KCNIP1: variants seen among roughly 807,000 people sequenced by gnomAD.
KCNIP1 encodes the protein A-type potassium channel modulatory protein KCNIP1.
A neutral mutation model predicts 33.0 loss-of-function variants in KCNIP1; 18 were observed. The observed-to-expected ratio is 0.55, with a 90% CI of 0.38 to 0.81. The LOEUF is 0.81. KCNIP1 is among the 30% of genes least tolerant of loss of function. The pLI is 0.00. For synonymous variants in KCNIP1, 93 were observed against 98.3 expected, an observed-to-expected ratio of 0.95 and a Z score of 0.32; for missense variants, 238 against 271.6, an observed-to-expected ratio of 0.88 and a Z score of 0.87.
chr5:170,677,420 A>G (rs1207320855), intron 1 of KCNIP1, among the ~76,000 whole-genome samples: 1 of 152,170 alleles, frequency 6.6e-6, no homozygotes, highest in Non-Finnish European at 1.5e-5. Flanking sequence ...TAACAACCCT[A>G]TGCTATGGGT....
chr5:170,643,894 T>C lies in KCNIP1; in HGVS notation c.62-74864T>C, dbSNP rs1420134668. On this transcript the variant is annotated intron_variant, in intron 1 of 7. Transcript: ENST00000328939. ...ACTCACAGCCCCTCTCAAGTGGTCC[T>C]GGGGATGAAGTGAGAAGGTGACATA... Among the ~76,000 whole-genome samples, 11 of 152,370 alleles carry C rather than the reference T, an allele frequency of 7.2e-5. No individual in the cohort carries two copies. In the South Asian group the frequency reaches 2.3e-3, roughly 32 times the overall value.
chr5:170,659,614 C>G (rs1440155091), intron 1 of KCNIP1, among the ~76,000 whole-genome samples: 1 of 152,150 alleles, frequency 6.6e-6, no homozygotes, highest in African/African-American at 2.4e-5. Flanking sequence ...TTCCCAGAAT[C>G]TTGCAGATCC....
At chr5:170,601,280 A>T (rs11742875) in intron 1 of KCNIP1, among the ~76,000 whole-genome samples, 48,150 of 152,122 alleles carry the variant, frequency 0.32, 8,715 homozygotes, top group Non-Finnish European at 0.42. Context: ...TATGGCTTCA[A>T]GAAAATGACA....
At chr5:170,403,734 A>G (rs1754965866) in intron 1 of KCNIP1, among the ~76,000 whole-genome samples, 1 of 152,194 alleles carries the variant, frequency 6.6e-6, no homozygotes, top group Non-Finnish European at 1.5e-5. Context: ...GTGCCCAAGA[A>G]ATGAATGCAG....
chr5:170,374,026 C>G (rs1763920268), intron 1 of KCNIP1, among the ~76,000 whole-genome samples: 1 of 152,146 alleles, frequency 6.6e-6, no homozygotes, highest in Non-Finnish European at 1.5e-5. Flanking sequence ...TTCAAACTCC[C>G]CCAAACACAA....
At chr5:170,515,389 A>C (rs1272446879) in intron 1 of KCNIP1, among the ~76,000 whole-genome samples, 1 of 152,160 alleles carries the variant, frequency 6.6e-6, no homozygotes, top group Non-Finnish European at 1.5e-5. Flanking sequence ...ACGTTGGTCC[A>C]TATCATGTAG....
intron 1 of KCNIP1, among the ~76,000 whole-genome samples, chr5:170,468,099 G>T (rs1756647335): frequency 6.6e-6 from 1 of 152,076 alleles, no homozygotes; most frequent in Non-Finnish European, 1.5e-5. Context: ...GTTTAACGGA[G>T]CAATTGACTT....
intron 5 of KCNIP1, among the ~76,000 whole-genome samples, chr5:170,731,821 TG>T: frequency 6.5e-5 from 1 of 15,448 alleles, no homozygotes; most frequent in Non-Finnish European, 1.3e-4. Flanking sequence ...GTTGAAAAGC[TG>T]AGATCCCGCC....
chr5:170,425,667 C>T (rs1216304021), intron 1 of KCNIP1, among the ~76,000 whole-genome samples: 1 of 152,182 alleles, frequency 6.6e-6, no homozygotes, highest in Non-Finnish European at 1.5e-5. Context: ...GAATTGGCTG[C>T]AACTCCACCC....
chr5:170,408,946 C>T (rs552622922), intron 1 of KCNIP1, among the ~76,000 whole-genome samples: 46 of 152,258 alleles, frequency 3.0e-4, no homozygotes, highest in African/African-American at 1.0e-3. Context: ...TCTAAAGGTG[C>T]CATCAATAGC....
chr5:170,401,340 C>T (rs532154691), intron 1 of KCNIP1, among the ~76,000 whole-genome samples: 2 of 152,222 alleles, frequency 1.3e-5, no homozygotes, highest in Admixed American at 1.3e-4. Flanking sequence ...TCTACATTTA[C>T]ACTCAGAGTG....
At chr5:170,574,039 A>C (rs1257269522) in intron 1 of KCNIP1, among the ~76,000 whole-genome samples, 1 of 152,258 alleles carries the variant, frequency 6.6e-6, no homozygotes, top group Non-Finnish European at 1.5e-5. Context: ...CCCGATACCC[A>C]GAATGCACCA....
At chr5:170,491,393 C>G (rs1307259841) in intron 1 of KCNIP1, among the ~76,000 whole-genome samples, 1 of 152,200 alleles carries the variant, frequency 6.6e-6, no homozygotes, top group Non-Finnish European at 1.5e-5. Flanking sequence ...TAAACACATA[C>G]ACCTGCTTCG....
intron 1 of KCNIP1, among the ~76,000 whole-genome samples, chr5:170,661,379 T>C (rs1441067220): frequency 1.3e-5 from 2 of 152,130 alleles, no homozygotes; most frequent in African/African-American, 4.8e-5. Context: ...TTGGCTGAGG[T>C]ATGTCTGAGT....
At chr5:170,734,719 G>T (rs1249043646) in intron 7 of KCNIP1, among the ~76,000 whole-genome samples, 2 of 152,222 alleles carry the variant, frequency 1.3e-5, no homozygotes, top group Non-Finnish European at 2.9e-5. Flanking sequence ...AAGCCGGGGA[G>T]AAGTTCCTAG....
At chr5:170,470,864 G>T (rs1391566302) in intron 1 of KCNIP1, among the ~76,000 whole-genome samples, 2 of 152,186 alleles carry the variant, frequency 1.3e-5, no homozygotes, top group African/African-American at 4.8e-5. Context: ...AGAAACTTAG[G>T]AGAAAGCATG....
At chr5:170,722,195 T>C (rs561760678) in intron 4 of KCNIP1, among the ~76,000 whole-genome samples, 1 of 152,270 alleles carries the variant, frequency 6.6e-6, no homozygotes, top group South Asian at 2.1e-4. Flanking sequence ...ATTAATTCAT[T>C]TACTCCAATT....
At chr5:170,696,707 G>A (rs944452203) in intron 1 of KCNIP1, among the ~76,000 whole-genome samples, 1 of 152,190 alleles carries the variant, frequency 6.6e-6, no homozygotes, top group Non-Finnish European at 1.5e-5. Flanking sequence ...AGATGTGGAA[G>A]TGTCAACCAG....
chr5:170,535,596 C>A (rs190093440), intron 1 of KCNIP1, among the ~76,000 whole-genome samples: 1 of 152,156 alleles, frequency 6.6e-6, no homozygotes, highest in African/African-American at 2.4e-5. Flanking sequence ...CAGCACCCCA[C>A]CCCCAGTTGT....
Sources: gnomAD v4.1 joint callset for allele counts (sites outside exome capture counted in the v4.1 genomes callset) on GRCh38, gnomAD v4.1.1 for gene constraint, MANE v1.5 for transcripts, NCBI Gene and HGNC (gene_info 2026-07-23, HGNC 2026-07-21) for gene names.